Variants in ARMC3 observed in about 807,000 individuals in gnomAD.
ARMC3 encodes the protein armadillo repeat-containing protein 3.
In ARMC3, 74 loss-of-function variants were observed where a neutral mutation model predicts 90.3. The observed-to-expected ratio is 0.82, with a 90% CI of 0.68 to 0.99. The LOEUF is 0.99. Ranked by LOEUF, ARMC3 falls within the 50% of genes least tolerant of loss-of-function variation. The pLI is 0.00. For missense variants in ARMC3, 958 were observed against 1,042.8 expected, an observed-to-expected ratio of 0.92 and a Z score of 1.12; for synonymous variants, 334 against 361.8, an observed-to-expected ratio of 0.92 and a Z score of 0.87.
chr10:22,944,269 C>T (rs948748184), intron 2 of ARMC3, among the ~76,000 whole-genome samples: 2 of 152,130 alleles, frequency 1.3e-5, no homozygotes, highest in African/African-American at 4.8e-5. Context: ...GGTCTTTCTT[C>T]TTATTATTCA....
chr10:23,008,404 A>C, intron 15 of ARMC3, 30 bp downstream of exon 15: 1 of 1,191,648 alleles, frequency 8.4e-7, no homozygotes, highest in Non-Finnish European at 1.2e-6. Flanking sequence ...TCTGTATGCA[A>C]ACAGCTTCCC....
chr10:22,955,851 C>G lies in ARMC3; in HGVS notation c.211C>G (p.Pro71Ala), dbSNP rs772339200. 6.2e-7 allele frequency: 1 copy of G among 1,613,830 alleles called. No homozygotes were observed. Among genetic ancestry groups the G allele is most frequent in the Admixed American group, 1.7e-5 (1 of 59,986 alleles). ...CCTCCTTGAACTTGGAGCTGTGGAACCTTTAACTAAGCTACTCACCCATGA... is the reference window on the plus strand; with the variant it reads ...CCTCCTTGAACTTGGAGCTGTGGAAGCTTTAACTAAGCTACTCACCCATGA... ...TTLLELGAVE[P>A]LTKLLTHEDK... The change falls in exon 4 of 19, where the codon CCT (proline) becomes GCT (alanine). Residue 71 changes from proline (P) to alanine (A), a missense_variant. Transcript: ENST00000298032.
intron 2 of ARMC3, 72 bp downstream of exon 2, chr10:22,932,116 G>A (rs113001959): frequency 2.2e-6 from 3 of 1,365,866 alleles, no homozygotes; most frequent in Non-Finnish European, 3.0e-6. Flanking sequence ...ACACAGTTTG[G>A]CATGTACCAG....
At chr10:22,929,319 A>AAAGAAT (rs1202140564) in intron 1 of ARMC3, among the ~76,000 whole-genome samples, 1 of 76,244 alleles carries the variant, frequency 1.3e-5, no homozygotes, top group African/African-American at 1.2e-4. Context: ...AGAAAAAGAA[A>AAAGAAT]GGAAAGGAAA....
At chr10:22,933,027 T>C (rs1216626670) in intron 2 of ARMC3, among the ~76,000 whole-genome samples, 2 of 152,210 alleles carry the variant, frequency 1.3e-5, no homozygotes, top group Non-Finnish European at 2.9e-5. Flanking sequence ...GAAAATAAGA[T>C]CTATTATCAT....
rs137944780 is a variant in ARMC3 at position 22,998,539 on chromosome 10, ATTGTC to A, written c.1425+152_1425+156del. 3,526 of 1,146,210 alleles carry A rather than the reference ATTGTC, an allele frequency of 3.1e-3. 94 individuals carry two copies. The African/African-American group carries it at 0.048, about 16-fold the overall frequency. 71.0% of individuals were successfully genotyped at this position (1,146,210 alleles called of 1,614,324 possible). A position where few individuals can be genotyped will look rare whatever the true frequency, so the allele number is the denominator to read the frequency against. ...GTAAAACAGTGGAAAACGAATTGGC[ATTGTC>A]TTGTCTTGTTTGTTTAATTAGCAAA... is the stretch of plus-strand genomic sequence containing the variant. On this transcript the variant is annotated intron_variant, in intron 11 of 18. Transcript: ENST00000298032.
chr10:22,953,639 A>G (rs1035776298), intron 3 of ARMC3, among the ~76,000 whole-genome samples: 1 of 152,212 alleles, frequency 6.6e-6, no homozygotes, highest in African/African-American at 2.4e-5. Context: ...GATGTCTGCT[A>G]TCATCACCTT....
intron 8 of ARMC3, among the ~76,000 whole-genome samples, chr10:22,975,500 G>A (rs1275523463): frequency 1.3e-5 from 2 of 152,168 alleles, no homozygotes; most frequent in African/African-American, 4.8e-5. Context: ...AGGAGGTGGA[G>A]GTTGCAGTGA....
intron 2 of ARMC3, 21 bp downstream of exon 2, chr10:22,932,065 C>G: frequency 7.6e-6 from 12 of 1,574,748 alleles, no homozygotes; most frequent in South Asian, 1.2e-5. Context: ...GATTTGAATA[C>G]TAGTAGCACT....
intron 2 of ARMC3, 118 bp downstream of exon 2, chr10:22,932,162 T>A: frequency 1.5e-6 from 1 of 675,314 alleles, no homozygotes; most frequent in Non-Finnish European, 2.3e-6. Context: ...AAGTCCAAAG[T>A]CTGACTAATG....
At chr10:22,961,772 TA>T in intron 6 of ARMC3, 111 bp from the exon 7 acceptor site, 1 of 898,374 alleles carries the variant, frequency 1.1e-6, no homozygotes, top group Non-Finnish European at 1.6e-6. Context: ...GAATCTGGAA[TA>T]AAAGATGGGC....
At chr10:23,014,790 C>A (rs1019439650) in intron 16 of ARMC3, among the ~76,000 whole-genome samples, 6 of 149,018 alleles carry the variant, frequency 4.0e-5, no homozygotes, top group Non-Finnish European at 7.4e-5. Context: ...ACAACACACA[C>A]TGGGGCCTAC....
chr10:23,002,316 C>T (rs979898437), intron 12 of ARMC3, among the ~76,000 whole-genome samples: 3 of 152,242 alleles, frequency 2.0e-5, no homozygotes, highest in African/African-American at 7.2e-5. Context: ...AAATGCTTCT[C>T]TTTTACTTTC....
At chr10:23,030,857 T>A (rs1588943490) in intron 17 of ARMC3, 61 bp downstream of exon 17, 1 of 1,546,748 alleles carries the variant, frequency 6.5e-7, no homozygotes, top group Non-Finnish European at 8.8e-7. Flanking sequence ...GTCATATACA[T>A]TTTAGCCATG....
At chr10:23,021,933 A>G (rs1008075130) in intron 16 of ARMC3, among the ~76,000 whole-genome samples, 10 of 152,122 alleles carry the variant, frequency 6.6e-5, no homozygotes, top group Middle Eastern at 6.8e-3. Flanking sequence ...TTATTCCCTT[A>G]GCAGTATCTT....
Position 23,008,909 on chromosome 10 carries a change from G to C in ARMC3, c.2023G>C (p.Ala675Pro). 6.2e-7 allele frequency: 1 copy of C among 1,613,346 alleles called. No homozygotes were observed. The highest frequency in any genetic ancestry group is 8.5e-7 in the Non-Finnish European group (1 of 1,179,598). ...ACGAAATACTGTTCTCAGCAAAAGC[G>C]CCACCAAAGAAAAAGGATGGAGGTA... ...SGRNTVLSKS[A>P]TKEKGWRKSK... Residue 675 changes from alanine to proline, a missense_variant, in exon 16 of 19, where the codon GCC becomes CCC. Transcript: ENST00000298032.
intron 8 of ARMC3, among the ~76,000 whole-genome samples, chr10:22,972,511 T>G (rs1302836971): frequency 6.6e-6 from 1 of 152,224 alleles, no homozygotes; most frequent in East Asian, 1.9e-4. Flanking sequence ...TGATTCTACT[T>G]CCTTTTGTTA....
At chr10:22,955,288 A>G (rs1316210314) in intron 3 of ARMC3, 1 of 152,880 alleles carries the variant, frequency 6.5e-6, no homozygotes, top group Non-Finnish European at 1.5e-5. Flanking sequence ...TCTATAGACA[A>G]TTCTAACAAA....
intron 1 of ARMC3, among the ~76,000 whole-genome samples, chr10:22,930,421 G>C (rs1327409278): frequency 6.6e-6 from 1 of 152,098 alleles, no homozygotes; most frequent in African/African-American, 2.4e-5. Flanking sequence ...ACTGATTGCT[G>C]AGTAATTTCA....
Sources: allele counts gnomAD v4.1 joint callset (sites outside exome capture counted in the v4.1 genomes callset), GRCh38; gene constraint gnomAD v4.1.1; transcripts MANE v1.5; gene names NCBI Gene and HGNC (gene_info 2026-07-23, HGNC 2026-07-21).